The following STK32B variants were observed in gnomAD, a reference collection of about 807,000 sequenced individuals.
The protein encoded by STK32B is serine/threonine-protein kinase 32B.
In STK32B, 43 loss-of-function variants were observed where a neutral mutation model predicts 52.6. The observed-to-expected ratio is 0.82, with a 90% confidence interval of 0.64 to 1.05. The LOEUF (loss-of-function observed/expected upper bound fraction) is 1.05. STK32B is among the 50% of genes least tolerant of loss of function. The pLI, the probability that STK32B is intolerant of heterozygous loss-of-function variation, is 0.00. For missense variants in STK32B, 621 were observed against 534.6 expected, an observed-to-expected ratio of 1.16 and a Z score of -1.59; for synonymous variants, 238 against 204.3, an observed-to-expected ratio of 1.17 and a Z score of -1.41.
intron 11 of STK32B, among the ~76,000 whole-genome samples, chr4:5,486,710 G>A (rs1320047778): frequency 1.3e-5 from 2 of 152,160 alleles, no homozygotes; most frequent in Non-Finnish European, 2.9e-5. Context: ...GCTGTACACT[G>A]GAGCAGTTCC....
intron 6 of STK32B, among the ~76,000 whole-genome samples, chr4:5,420,334 G>GA (rs762532421): frequency 6.6e-6 from 1 of 152,026 alleles, no homozygotes; most frequent in Non-Finnish European, 1.5e-5. Context: ...TTTTGTTGAC[G>GA]ACCTTTCTGA....
chr4:5,030,853 C>T, the STK32B span, among the ~76,000 whole-genome samples: 1 of 151,808 alleles, frequency 6.6e-6, no homozygotes, highest in African/African-American at 2.4e-5. Context: ...TTAGGTTCTC[C>T]TAAGAAAAAG....
At chr4:5,285,502 C>T (rs1435346501) in intron 3 of STK32B, among the ~76,000 whole-genome samples, 2 of 151,976 alleles carry the variant, frequency 1.3e-5, no homozygotes, top group Non-Finnish European at 2.9e-5. Flanking sequence ...AAAAGATAAA[C>T]CAAGAAAAGA....
At chr4:5,040,399 T>A in the STK32B span, among the ~76,000 whole-genome samples, 2 of 148,064 alleles carry the variant, frequency 1.4e-5, no homozygotes, top group Non-Finnish European at 3.0e-5. Context: ...TTTTTTTTTT[T>A]TTTTTTTTTT....
intron 3 of STK32B, among the ~76,000 whole-genome samples, chr4:5,216,321 G>C (rs1343725931): frequency 6.6e-6 from 1 of 152,178 alleles, no homozygotes; most frequent in Non-Finnish European, 1.5e-5. Context: ...CAGGCACTTT[G>C]TTAGGGGCCA....
At chr4:5,430,385 T>G (rs922611249) in intron 6 of STK32B, among the ~76,000 whole-genome samples, 2 of 152,228 alleles carry the variant, frequency 1.3e-5, no homozygotes, top group Admixed American at 6.5e-5. Context: ...TGGCACTATG[T>G]TTTTGCATTT....
intron 3 of STK32B, among the ~76,000 whole-genome samples, chr4:5,250,954 A>G (rs1177325323): frequency 6.6e-6 from 1 of 152,190 alleles, no homozygotes; most frequent in Non-Finnish European, 1.5e-5. Flanking sequence ...GATCCTGGAT[A>G]TTAGACCTTT....
chr4:5,236,590 G>A (rs1177956506), intron 3 of STK32B, among the ~76,000 whole-genome samples: 2 of 152,108 alleles, frequency 1.3e-5, no homozygotes, highest in Admixed American at 6.6e-5. Context: ...GGTCTGAGAC[G>A]TATATAAAGT....
rs1736894450 is a variant in STK32B at position 5,396,013 on chromosome 4, C to A, written c.435-2194C>A. ...CAAGGCCATGCTGTCATTAATGGGG[C>A]CCTAGCTGCCCTTTGAGGTTTGCCC... On this transcript the variant is annotated intron_variant, in intron 4 of 11. Coordinates refer to ENST00000282908, the MANE Select transcript of STK32B (RefSeq NM_018401.3). The surrounding 1 kb of genome is among the most constrained non-coding windows in gnomAD (Gnocchi z 4.7). Among the ~76,000 whole-genome samples the A allele has an allele frequency of 1.3e-5, 2 of 152,218 alleles. No individual in the cohort carries two copies. Among genetic ancestry groups the A allele is most frequent in the African/African-American group, 4.8e-5 (2 of 41,456 alleles).
chr4:5,245,383 A>T (rs552379442), intron 3 of STK32B, among the ~76,000 whole-genome samples: 43 of 152,148 alleles, frequency 2.8e-4, no homozygotes, highest in African/African-American at 2.4e-4. Context: ...CTGTTTTATC[A>T]GAGACTAGGA....
intron 4 of STK32B, among the ~76,000 whole-genome samples, chr4:5,367,082 A>G (rs763541349): frequency 1.3e-5 from 2 of 152,114 alleles, no homozygotes; most frequent in Non-Finnish European, 2.9e-5. Flanking sequence ...TTAGATTTTA[A>G]TTGCAGAAGA....
chr4:5,335,077 G>A (rs1435737522), intron 4 of STK32B, among the ~76,000 whole-genome samples: 7 of 152,098 alleles, frequency 4.6e-5, no homozygotes, highest in Admixed American at 2.6e-4. Context: ...TGTACCTCTG[G>A]TAGAATTCGG....
intron 3 of STK32B, among the ~76,000 whole-genome samples, chr4:5,185,594 C>T (rs181244945): frequency 1.3e-5 from 2 of 152,316 alleles, no homozygotes; most frequent in African/African-American, 4.8e-5. Context: ...TTTGACAAAG[C>T]TTCTCAGCCT....
intron 3 of STK32B, among the ~76,000 whole-genome samples, chr4:5,311,651 A>G (rs1412909516): frequency 6.6e-6 from 1 of 152,186 alleles, no homozygotes; most frequent in African/African-American, 2.4e-5. Flanking sequence ...AATATTGTGA[A>G]CACATTTTTA....
chr4:5,039,040 G>A, the STK32B span, among the ~76,000 whole-genome samples: 8 of 139,198 alleles, frequency 5.7e-5, no homozygotes, highest in Admixed American at 5.3e-4. Flanking sequence ...AGGTTGGAGT[G>A]CAGTGGCATG....
At chr4:5,309,664 A>G (rs6814970) in intron 3 of STK32B, among the ~76,000 whole-genome samples, 17,695 of 152,146 alleles carry the variant, frequency 0.12, 2,590 homozygotes, top group African/African-American at 0.35. Context: ...ATGGTGCCAA[A>G]AATACTGAAT....
In STK32B at chr4:5,313,239, G is replaced by A. The variant is rs563331149; in HGVS notation, c.261-17981G>A. 9.7e-4 allele frequency among the ~76,000 whole-genome samples: 148 copies of A among 151,840 alleles called. 1 individual carries two copies. The highest frequency in any genetic ancestry group is 3.5e-3 in the African/African-American group (143 of 41,426). On this transcript the variant is annotated intron_variant, in intron 3 of 11. Coordinates refer to ENST00000282908, the MANE Select transcript of STK32B (RefSeq NM_018401.3). ...GCAACACTAGTTCGATATTTTTAAGGCAGTCAATGTAATCTACCATGTTCA... is the reference window on the plus strand; with the variant it reads ...GCAACACTAGTTCGATATTTTTAAGACAGTCAATGTAATCTACCATGTTCA...
At chr4:5,406,703 G>A (rs1245552579) in intron 5 of STK32B, among the ~76,000 whole-genome samples, 1 of 152,158 alleles carries the variant, frequency 6.6e-6, no homozygotes, top group Non-Finnish European at 1.5e-5. Flanking sequence ...ACTATGGCTG[G>A]AGCTGGAGTG....
chr4:5,040,146 C>A, the STK32B span, among the ~76,000 whole-genome samples: 1 of 152,192 alleles, frequency 6.6e-6, no homozygotes, highest in African/African-American at 2.4e-5. Flanking sequence ...ATGGCCACTC[C>A]CACCTGCAAA....
Sources: gnomAD v4.1 joint callset for allele counts (sites outside exome capture counted in the v4.1 genomes callset) on GRCh38, gnomAD v4.1.1 for gene constraint, Gnocchi (gnomAD v3.1) non-coding constraint, MANE v1.5 for transcripts, NCBI Gene and HGNC (gene_info 2026-07-23, HGNC 2026-07-21) for gene names.